MAPK10: variants seen among roughly 807,000 people sequenced by gnomAD.
MAPK10 encodes the protein mitogen-activated protein kinase 10.
In MAPK10, 25 loss-of-function variants were observed where a neutral mutation model predicts 59.3. The ratio of observed to expected loss-of-function variants is 0.42; its 90% CI spans 0.31 to 0.59. MAPK10 has a LOEUF of 0.59. Ranked by LOEUF, MAPK10 falls within the 20% of genes least tolerant of loss-of-function variation. MAPK10 has a pLI of 0.15. For missense variants in MAPK10, 351 were observed against 568.9 expected, an observed-to-expected ratio of 0.62 and a Z score of 3.90; for synonymous variants, 190 against 200.5, an observed-to-expected ratio of 0.95 and a Z score of 0.44.
At chr4:86,333,666 C>G (rs954122459) in intron 2 of MAPK10, among the ~76,000 whole-genome samples, 4 of 152,216 alleles carry the variant, frequency 2.6e-5, no homozygotes, top group African/African-American at 9.6e-5. Context: ...AAAAAGCCCA[C>G]AATCTCTGAA....
intron 9 of MAPK10, among the ~76,000 whole-genome samples, chr4:86,077,920 A>G (rs1019772033): frequency 5.1e-4 from 77 of 152,302 alleles, no homozygotes; most frequent in African/African-American, 1.8e-3. Context: ...ATCAGTTAGT[A>G]ATGTCTGCAA....
At chr4:86,561,126 A>G (rs962679702) in intron 1 of MAPK10, among the ~76,000 whole-genome samples, 5 of 152,154 alleles carry the variant, frequency 3.3e-5, no homozygotes, top group Admixed American at 1.3e-4. Flanking sequence ...TAGATTCCTC[A>G]CATGCACCGT....
intron 1 of MAPK10, among the ~76,000 whole-genome samples, chr4:86,506,017 A>G (rs917005798): frequency 5.3e-5 from 8 of 152,212 alleles, no homozygotes; most frequent in Admixed American, 5.2e-4. Context: ...CTTGCCCTAA[A>G]GGAATTCATA....
upstream of MAPK10, among the ~76,000 whole-genome samples, chr4:86,456,381 A>C (rs565886283): frequency 3.3e-5 from 5 of 152,272 alleles, no homozygotes; most frequent in Admixed American, 3.3e-4. Context: ...GGTTATTTGA[A>C]AAGGTAAATA....
chr4:86,269,413 T>C (rs1347876390), intron 2 of MAPK10, among the ~76,000 whole-genome samples: 1 of 152,168 alleles, frequency 6.6e-6, no homozygotes, highest in Non-Finnish European at 1.5e-5. Context: ...AAATCTTCCC[T>C]TTTTATCACC....
intron 1 of MAPK10, among the ~76,000 whole-genome samples, chr4:86,517,792 AT>A (rs1756806714): frequency 6.6e-6 from 1 of 152,018 alleles, no homozygotes; most frequent in South Asian, 2.1e-4. Context: ...ATTTTGGTGT[AT>A]TTTGAGGTTT....
At chr4:86,274,447 C>CT (rs1387795982) in intron 2 of MAPK10, among the ~76,000 whole-genome samples, 8 of 151,374 alleles carry the variant, frequency 5.3e-5, no homozygotes, top group East Asian at 1.9e-4. Context: ...AATGTATAAT[C>CT]TTTTTTTTTC....
At chr4:86,085,119 T>C (rs1269605813) in intron 9 of MAPK10, among the ~76,000 whole-genome samples, 1 of 152,158 alleles carries the variant, frequency 6.6e-6, no homozygotes, top group African/African-American at 2.4e-5. Flanking sequence ...AAGACATAAA[T>C]ATAAGGCTTC....
chr4:86,390,689 A>G (rs1007490404), intron 1 of MAPK10, among the ~76,000 whole-genome samples: 1 of 152,188 alleles, frequency 6.6e-6, no homozygotes, highest in Non-Finnish European at 1.5e-5. Flanking sequence ...ATATGGGTAC[A>G]AGAGAGAGGG....
intron 1 of MAPK10, among the ~76,000 whole-genome samples, chr4:86,555,415 T>C (rs571356417): frequency 6.6e-6 from 1 of 152,210 alleles, no homozygotes; most frequent in African/African-American, 2.4e-5. Flanking sequence ...CACTGCACTC[T>C]AGCCTGGGTG....
At chr4:86,095,854 A>G (rs2054122066) in intron 9 of MAPK10, 1 of 151,938 alleles carries the variant, frequency 6.6e-6, no homozygotes, top group Non-Finnish European at 1.5e-5. Context: ...ATTAAGTTAT[A>G]ATTTTAATTA....
chr4:86,275,922 G>A (rs2094562624), intron 2 of MAPK10, among the ~76,000 whole-genome samples: 4 of 151,926 alleles, frequency 2.6e-5, no homozygotes, highest in Admixed American at 2.6e-4. Context: ...CTTCTTTAAA[G>A]TCATACAAAT....
intron 1 of MAPK10, among the ~76,000 whole-genome samples, chr4:86,518,928 G>C (rs745353448): frequency 6.6e-6 from 1 of 151,970 alleles, no homozygotes; most frequent in Non-Finnish European, 1.5e-5. Context: ...TAGTTTTGAG[G>C]GTTCCTTTTG....
intron 4 of MAPK10, chr4:86,124,033 T>G (rs1033346955): frequency 1.3e-5 from 2 of 152,156 alleles, no homozygotes; most frequent in African/African-American, 4.8e-5. Context: ...TATCAAAGTT[T>G]AAAATCTGAC....
intron 1 of MAPK10, among the ~76,000 whole-genome samples, chr4:86,468,715 G>A (rs540722577): frequency 1.6e-4 from 25 of 152,032 alleles, no homozygotes; most frequent in Non-Finnish European, 2.2e-4. Context: ...TTAGCCAGGC[G>A]TGGTGGCATG....
At chr4:86,441,380 T>C (rs943876379) in intron 1 of MAPK10, among the ~76,000 whole-genome samples, 7 of 152,216 alleles carry the variant, frequency 4.6e-5, no homozygotes, top group Admixed American at 1.3e-4. Context: ...ACAGAGTAAC[T>C]CACGCTTCAA....
intron 1 of MAPK10, among the ~76,000 whole-genome samples, chr4:86,428,954 A>C (rs2149039242): frequency 6.6e-6 from 1 of 152,332 alleles, no homozygotes; most frequent in East Asian, 1.9e-4. Context: ...ATAAAACATT[A>C]GCATTTACCA....
At chr4:86,192,032 C>T (rs1224800257) in intron 3 of MAPK10, 2 of 152,130 alleles carry the variant, frequency 1.3e-5, no homozygotes, top group Non-Finnish European at 1.5e-5. Context: ...ACTTATGAAG[C>T]TTAATTTGGC....
At chr4:86,127,361 T>C (rs1333191382) in intron 4 of MAPK10, among the ~76,000 whole-genome samples, 4 of 152,030 alleles carry the variant, frequency 2.6e-5, no homozygotes, top group Admixed American at 2.6e-4. Context: ...AACTAATTGA[T>C]GATTGATGTA....
Sources: gnomAD v4.1 joint callset for allele counts (sites outside exome capture counted in the v4.1 genomes callset) on GRCh38, gnomAD v4.1.1 for gene constraint, MANE v1.5 for transcripts, NCBI Gene and HGNC (gene_info 2026-07-23, HGNC 2026-07-21) for gene names.